TIMP2: variants seen among roughly 807,000 people sequenced by gnomAD.
TIMP2 encodes the protein TIMP metallopeptidase inhibitor 2.
A neutral mutation model predicts 24.3 loss-of-function variants in TIMP2; 5 were observed. The observed-to-expected ratio is 0.21, with a 90% CI of 0.11 to 0.43. The LOEUF is 0.43. Ranked by LOEUF, TIMP2 falls within the 20% of genes least tolerant of loss-of-function variation. The pLI is 1.00. For synonymous variants in TIMP2, 130 were observed against 123.2 expected, an observed-to-expected ratio of 1.06 and a Z score of -0.37; for missense variants, 221 against 297.5, an observed-to-expected ratio of 0.74 and a Z score of 1.89.
chr17:78,890,571 G>C, intron 1 of TIMP2: 1 of 1,470,842 alleles, frequency 6.8e-7, no homozygotes, highest in Non-Finnish European at 9.1e-7. Context: ...AGATCTTAGA[G>C]ACCCGGGTAC....
intron 1 of TIMP2, chr17:78,899,349 A>C (rs9890542): frequency 0.52 from 78,802 of 152,268 alleles, 20,644 homozygotes; most frequent in African/African-American, 0.59. Flanking sequence ...TCTAACTGAG[A>C]GACCTGGGTT....
In TIMP2 at chr17:78,920,842, G is replaced by T. The variant is rs1351499782; in HGVS notation, c.130+4117C>A. Among the ~76,000 whole-genome samples, 1 of 151,950 alleles carries T rather than the reference G, an allele frequency of 6.6e-6. No homozygotes were observed. The highest frequency in any genetic ancestry group is 2.1e-4 in the South Asian group (1 of 4,810). On this transcript the variant is annotated intron_variant, in intron 1 of 4. Transcript: ENST00000262768. The surrounding 1 kb of genome is among the most constrained non-coding windows in gnomAD (Gnocchi z 4.5). ...GGCAGCAGGAACCCCCTTCCACACC[G>T]CCTGGTGCCAAGATGTACCACCCCC...
At chr17:78,894,152 TTCA>T (rs2069961630) in intron 1 of TIMP2, among the ~76,000 whole-genome samples, 2 of 152,058 alleles carry the variant, frequency 1.3e-5, no homozygotes, top group African/African-American at 4.8e-5. Context: ...CATGTATCCG[TTCA>T]TCTTTTTTAC....
intron 1 of TIMP2, among the ~76,000 whole-genome samples, chr17:78,880,653 T>C (rs8065102): frequency 0.79 from 120,733 of 152,230 alleles, 48,247 homozygotes; most frequent in Admixed American, 0.83. Context: ...GAGCTATGAA[T>C]GCACCACTGC....
intron 1 of TIMP2, among the ~76,000 whole-genome samples, chr17:78,923,399 G>GGC (rs1472726579): frequency 7.2e-6 from 1 of 138,126 alleles, no homozygotes; most frequent in African/African-American, 2.6e-5. Context: ...GGCGGGGTGG[G>GGC]GGGGGGGGCG....
At chr17:78,918,076 A>ACACACACTCACT (rs1599178660) in intron 1 of TIMP2, among the ~76,000 whole-genome samples, 4 of 146,208 alleles carry the variant, frequency 2.7e-5, no homozygotes, top group Admixed American at 6.7e-5. Flanking sequence ...ACACACACAC[A>ACACACACTCACT]CACACACACA....
intron 3 of TIMP2, among the ~76,000 whole-genome samples, chr17:78,864,579 A>G (rs1038818153): frequency 6.6e-6 from 1 of 152,100 alleles, no homozygotes; most frequent in African/African-American, 2.4e-5. Context: ...AACTGTTTGC[A>G]CTTGGCACCT....
rs115666367 is a variant in TIMP2 at position 78,909,527 on chromosome 17, G to T, written c.130+15432C>A. 3.9e-3 allele frequency among the ~76,000 whole-genome samples: 595 copies of T among 150,924 alleles called. 3 individuals are homozygous for T. Among genetic ancestry groups the T allele is most frequent in the African/African-American group, 0.014 (570 of 41,038 alleles). ...TCACGTCAAGTGCTGTGTCACTGAA[G>T]CACCCCGTACCCCATCACCTGGTGC... On this transcript the variant is annotated intron_variant, in intron 1 of 4. Transcript: ENST00000262768.
At chr17:78,874,481 C>T (rs971627648) in intron 1 of TIMP2, among the ~76,000 whole-genome samples, 3 of 152,296 alleles carry the variant, frequency 2.0e-5, no homozygotes, top group Non-Finnish European at 4.4e-5. Flanking sequence ...GGGCCTTAAA[C>T]GTACCCGGCA....
At chr17:78,908,865 C>A (rs9898925) in intron 1 of TIMP2, among the ~76,000 whole-genome samples, 2,696 of 152,268 alleles carry the variant, frequency 0.018, 96 homozygotes, top group African/African-American at 0.06. Flanking sequence ...ATGCTCATCC[C>A]AGCTCCACCC....
intron 4 of TIMP2, chr17:78,856,299 G>T: frequency 1.1e-5 from 2 of 187,216 alleles, no homozygotes; most frequent in African/African-American, 2.3e-5. Context: ...ACAAGAGGAT[G>T]ACCGCCTTCA....
chr17:78,874,612 C>T (rs1160185193), intron 1 of TIMP2, among the ~76,000 whole-genome samples: 1 of 152,186 alleles, frequency 6.6e-6, no homozygotes. Context: ...GAGTCTCGCG[C>T]TGTTGCCCAG....
At chr17:78,906,234 G>A (rs563220487) in intron 1 of TIMP2, among the ~76,000 whole-genome samples, 1 of 152,214 alleles carries the variant, frequency 6.6e-6, no homozygotes, top group South Asian at 2.1e-4. Context: ...CAGGCATAGT[G>A]GTGCGTACCT....
At chr17:78,911,599 A>T (rs2070208152) in intron 1 of TIMP2, among the ~76,000 whole-genome samples, 2 of 151,636 alleles carry the variant, frequency 1.3e-5, no homozygotes, top group Non-Finnish European at 2.9e-5. Flanking sequence ...AGCTAATTTT[A>T]AAAATATTTT....
intron 1 of TIMP2, among the ~76,000 whole-genome samples, chr17:78,917,593 C>A (rs530006660): frequency 5.3e-5 from 8 of 152,190 alleles, no homozygotes; most frequent in Non-Finnish European, 1.0e-4. Context: ...CTGGTGAGGT[C>A]TGGAGTTCCC....
In TIMP2 at chr17:78,902,978, C is replaced by T. The variant is rs550790490; in HGVS notation, c.130+21981G>A. On this transcript the variant is annotated intron_variant, in intron 1 of 4. Coordinates refer to ENST00000262768, the MANE Select transcript of TIMP2 (RefSeq NM_003255.5). ...TGCAGGGACTTTGCCGCTGGCCTTG[C>T]GAACCCACGGCTTGGAGCCCCTCCT... Among the ~76,000 whole-genome samples, 9 of 152,354 alleles carry T rather than the reference C, an allele frequency of 5.9e-5. No homozygotes were observed. The East Asian group carries it at 1.4e-3, about 23-fold the overall frequency.
rs75353591 is a variant in TIMP2 at position 78,883,307 on chromosome 17, T to G, written c.131-9388A>C. Among the ~76,000 whole-genome samples, 534 of 152,284 alleles carry G rather than the reference T, an allele frequency of 3.5e-3. 24 individuals are homozygous for G. The East Asian group carries it at 0.076, about 22-fold the overall frequency. On this transcript the variant is annotated intron_variant, in intron 1 of 4. Coordinates refer to ENST00000262768, the MANE Select transcript of TIMP2 (RefSeq NM_003255.5). ...CTTTCCAGACTCTGACCTTGAGAGT[T>G]TGTGGGTGGCTGGGACAGAGAGGCC...
Position 78,855,897 on chromosome 17 carries a change from A to C in TIMP2, c.466-33T>G. On this transcript the variant is annotated intron_variant, in intron 4 of 4. Transcript: ENST00000262768. The surrounding 1 kb of genome is among the most constrained non-coding windows in gnomAD (Gnocchi z 6.0). Reference sequence around the variant, plus strand: ...GGGGCACACGGAGGGGGACGGAGTCAGGGACCCAGGAAGGGGTGGGCAGAG... The same window carrying C: ...GGGGCACACGGAGGGGGACGGAGTCCGGGACCCAGGAAGGGGTGGGCAGAG... The C allele has an allele frequency of 6.2e-7, 1 of 1,611,136 alleles. No individual in the cohort carries two copies.
At position 78,925,185 on chromosome 17, in the gene TIMP2, G is replaced by C. The variant is rs928553992; in HGVS notation, c.-97C>G. The C allele has an allele frequency of 1.1e-4, 35 of 315,130 alleles. No individual in the cohort carries two copies. The highest frequency in any genetic ancestry group is 8.0e-4 in the African/African-American group (35 of 43,852). The allele number at this position is 315,130 out of a possible 1,614,324, so 19.5% of individuals were successfully genotyped here. A position where few individuals can be genotyped will look rare whatever the true frequency, so the allele number is the denominator to read the frequency against. On this transcript the variant is annotated 5_prime_UTR_variant, in exon 1 of 5. Coordinates refer to ENST00000262768, the MANE Select transcript of TIMP2 (RefSeq NM_003255.5). ...GGGGCGCGGGCGGGGGCTGAGCCGG[G>C]GCCGAGGCGGGCCCCTCCCGCGCGG...
Sources: allele counts gnomAD v4.1 joint callset (sites outside exome capture counted in the v4.1 genomes callset), GRCh38; gene constraint gnomAD v4.1.1; non-coding constraint Gnocchi (gnomAD v3.1); transcripts MANE v1.5; gene names NCBI Gene and HGNC (gene_info 2026-07-23, HGNC 2026-07-21).